The following FAM107B variants were observed in gnomAD, a reference collection of about 807,000 sequenced individuals.
The protein encoded by FAM107B is family with sequence similarity 107 member B.
FAM107B carries 21 observed loss-of-function variants against 31.5 expected under a neutral mutation model. The observed-to-expected ratio is 0.67, with a 90% CI of 0.47 to 0.96. The LOEUF (loss-of-function observed/expected upper bound fraction) is 0.96, where lower values mean the gene tolerates loss of function less well. FAM107B is among the 40% of genes least tolerant of loss of function. The probability of loss-of-function intolerance (pLI) is 0.00; values close to 1 mark genes in which losing one functional copy is unlikely to be tolerated. For missense variants in FAM107B, 452 were observed against 377.1 expected (o/e 1.20, Z -1.64); for synonymous variants, 157 against 141.5 (o/e 1.11, Z -0.78).
intron 2 of FAM107B, chr10:14,553,511 G>A: frequency 2.3e-6 from 1 of 436,094 alleles, no homozygotes; most frequent in South Asian, 2.0e-5. Context: ...AATTAACAAT[G>A]GGTAAGAAGG....
chr10:14,668,599 G>C (rs1340960733), intron 1 of FAM107B, among the ~76,000 whole-genome samples: 1 of 152,194 alleles, frequency 6.6e-6, no homozygotes, highest in Non-Finnish European at 1.5e-5. Flanking sequence ...GATAAATTAA[G>C]AGGAATATCT....
intron 1 of FAM107B, among the ~76,000 whole-genome samples, chr10:14,750,790 A>G (rs1269813962): frequency 6.6e-6 from 1 of 152,128 alleles, no homozygotes; most frequent in African/African-American, 2.4e-5. Context: ...CTACAAAAAA[A>G]TTTTAAAAAT....
chr10:14,669,940 C>T (rs1325990892), intron 1 of FAM107B, among the ~76,000 whole-genome samples: 1 of 151,990 alleles, frequency 6.6e-6, no homozygotes, highest in African/African-American at 2.4e-5. Context: ...GAAATGTTCC[C>T]AATACATAGA....
At chr10:14,640,262 G>T (rs1853596658) in intron 2 of FAM107B, among the ~76,000 whole-genome samples, 2 of 152,182 alleles carry the variant, frequency 1.3e-5, no homozygotes, top group Admixed American at 1.3e-4. Flanking sequence ...TGAACCCAGG[G>T]CTTCTGAATA....
intron 1 of FAM107B, among the ~76,000 whole-genome samples, chr10:14,726,538 G>C (rs575425639): frequency 6.6e-6 from 1 of 152,250 alleles, no homozygotes; most frequent in South Asian, 2.1e-4. Flanking sequence ...GCTAAATTTT[G>C]GGGGTAATAT....
At chr10:14,721,239 C>T (rs1855905096) in intron 1 of FAM107B, among the ~76,000 whole-genome samples, 1 of 152,130 alleles carries the variant, frequency 6.6e-6, no homozygotes, top group Non-Finnish European at 1.5e-5. Flanking sequence ...TTAATCCAGT[C>T]TATCATTGAT....
At chr10:14,536,872 T>C (rs1477205247) in intron 2 of FAM107B, among the ~76,000 whole-genome samples, 1 of 152,198 alleles carries the variant, frequency 6.6e-6, no homozygotes, top group Admixed American at 6.5e-5. Flanking sequence ...CAATATGTTG[T>C]TGTACAAATG....
chr10:14,595,314 A>G (rs4748100), intron 2 of FAM107B, among the ~76,000 whole-genome samples: 107,926 of 151,994 alleles, frequency 0.71, 39,519 homozygotes, highest in Middle Eastern at 0.82. Context: ...TCGCAATGAG[A>G]GTAAATGCAG....
chr10:14,732,948 G>A lies in FAM107B; in HGVS notation c.411+41305C>T, dbSNP rs186678085. On this transcript the variant is annotated intron_variant, in intron 1 of 4. Transcript: ENST00000181796. ...TTATATAATATTATAATTATGATAC[G>A]TTATGGAATACCTTATATTGTATTC... is the stretch of plus-strand genomic sequence containing the variant. Among the ~76,000 whole-genome samples the A allele has an allele frequency of 8.2e-3, 1,174 of 143,768 alleles. 13 individuals are homozygous for A. Among genetic ancestry groups the A allele is most frequent in the African/African-American group, 0.027 (1,053 of 39,422 alleles). 94.3% of individuals were successfully genotyped at this position (143,768 alleles called of 152,430 possible).
intron 2 of FAM107B, among the ~76,000 whole-genome samples, chr10:14,642,261 C>A (rs555149611): frequency 7.2e-5 from 11 of 152,354 alleles, no homozygotes; most frequent in African/African-American, 2.4e-4. Flanking sequence ...TAGCTCCAGG[C>A]AGGGGCCCTG....
chr10:14,759,508 A>G (rs1832999870), intron 1 of FAM107B, among the ~76,000 whole-genome samples: 1 of 151,980 alleles, frequency 6.6e-6, no homozygotes, highest in South Asian at 2.1e-4. Flanking sequence ...ACTGCTGTAT[A>G]TTTGTTTCTG....
chr10:14,711,191 G>A (rs1384181154), intron 1 of FAM107B, among the ~76,000 whole-genome samples: 6 of 152,170 alleles, frequency 3.9e-5, no homozygotes, highest in East Asian at 1.9e-4. Flanking sequence ...GATTACAGGC[G>A]TGAGCCACTG....
intron 2 of FAM107B, among the ~76,000 whole-genome samples, chr10:14,664,960 A>C (rs923828976): frequency 6.6e-6 from 1 of 152,218 alleles, no homozygotes; most frequent in African/African-American, 2.4e-5. Context: ...GCAAAGACAC[A>C]CATTTAGGAA....
chr10:14,649,645 C>T (rs998750205), intron 2 of FAM107B, among the ~76,000 whole-genome samples: 18 of 152,168 alleles, frequency 1.2e-4, no homozygotes, highest in Admixed American at 9.8e-4. Context: ...CCCCCCACTT[C>T]GAGTTGTCCC....
chr10:14,641,301 C>T (rs1853621572), intron 2 of FAM107B, among the ~76,000 whole-genome samples: 1 of 152,172 alleles, frequency 6.6e-6, no homozygotes, highest in African/African-American at 2.4e-5. Context: ...TCCTCTGGCA[C>T]ATGAGACTTC....
chr10:14,701,560 A>T (rs1197425865), intron 1 of FAM107B, among the ~76,000 whole-genome samples: 1 of 152,126 alleles, frequency 6.6e-6, no homozygotes, highest in African/African-American at 2.4e-5. Flanking sequence ...CCTTCATTTT[A>T]AATAGTCCTC....
chr10:14,543,877 T>C (rs1415744868), intron 2 of FAM107B, among the ~76,000 whole-genome samples: 2 of 152,144 alleles, frequency 1.3e-5, no homozygotes, highest in Non-Finnish European at 2.9e-5. Flanking sequence ...CACACAGGTT[T>C]ATAACCAAGA....
chr10:14,533,633 T>C (rs113795144), intron 2 of FAM107B, among the ~76,000 whole-genome samples: 2,952 of 152,264 alleles, frequency 0.019, 93 homozygotes, highest in African/African-American at 0.067. Context: ...GCACTCCCAC[T>C]TCCCCCTCAA....
intron 2 of FAM107B, among the ~76,000 whole-genome samples, chr10:14,610,305 T>A (rs1048040411): frequency 6.6e-6 from 1 of 151,688 alleles, no homozygotes; most frequent in Non-Finnish European, 1.5e-5. Flanking sequence ...ATCACACCAC[T>A]GCACTCCAGC....
Sources: allele counts gnomAD v4.1 joint callset (sites outside exome capture counted in the v4.1 genomes callset), GRCh38; gene constraint gnomAD v4.1.1; transcripts MANE v1.5; gene names NCBI Gene and HGNC (gene_info 2026-07-23, HGNC 2026-07-21).